CCSER1: variants seen among roughly 807,000 people sequenced by gnomAD.
CCSER1 encodes serine-rich coiled-coil domain-containing protein 1.
In CCSER1, 41 loss-of-function variants were observed where a neutral mutation model predicts 82.0. That is an observed-to-expected ratio of 0.50 (90% CI 0.39 to 0.65). The LOEUF (loss-of-function observed/expected upper bound fraction) is 0.65, where lower values mean the gene tolerates loss of function less well. CCSER1 is among the 30% of genes least tolerant of loss of function. The probability of loss-of-function intolerance (pLI) is 0.00; values close to 1 mark genes in which losing one functional copy is unlikely to be tolerated. For synonymous variants in CCSER1, 414 were observed against 383.9 expected (o/e 1.08, Z -0.92); for missense variants, 1,119 against 1,064.2 (o/e 1.05, Z -0.72).
chr4:90,597,792 C>T (rs550715610), intron 5 of CCSER1, among the ~76,000 whole-genome samples: 38 of 152,152 alleles, frequency 2.5e-4, no homozygotes, highest in Admixed American at 2.5e-3. Flanking sequence ...TAAATCTCCT[C>T]ATTTTCTCCC....
At chr4:90,808,429 G>T (rs1331362138) in intron 7 of CCSER1, among the ~76,000 whole-genome samples, 7 of 151,842 alleles carry the variant, frequency 4.6e-5, no homozygotes, top group African/African-American at 7.3e-5. Flanking sequence ...TACAACAAAA[G>T]AAATAATCAA....
intron 9 of CCSER1, among the ~76,000 whole-genome samples, chr4:91,036,503 A>G (rs1378063823): frequency 6.6e-6 from 1 of 152,110 alleles, no homozygotes; most frequent in African/African-American, 2.4e-5. Flanking sequence ...AATATTGTAC[A>G]TTTTGGTAAA....
Position 91,603,434 on chromosome 4 carries a change from T to C in CCSER1, c.*4377T>C. On this transcript the variant is annotated 3_prime_UTR_variant, in exon 11 of 11. Coordinates refer to ENST00000509176, the MANE Select transcript of CCSER1 (RefSeq NM_001145065.2). ...TAACACTCTGTGGTTGAATTACCTA[T>C]GGAAAAGAATGAAGGCAGTTCACTC... 6.6e-6 allele frequency: 1 copy of C among 152,114 alleles called. No individual in the cohort carries two copies. The highest frequency in any genetic ancestry group is 1.5e-5 in the Non-Finnish European group (1 of 67,988). The allele number at this position is 152,114 out of a possible 1,614,324, so 9.4% of individuals were successfully genotyped here.
chr4:90,308,633 G>A lies in CCSER1; in HGVS notation c.349G>A (p.Val117Ile). 1 of 1,613,788 alleles carries A rather than the reference G, an allele frequency of 6.2e-7. No individual in the cohort carries two copies. The highest frequency in any genetic ancestry group is 8.5e-7 in the Non-Finnish European group (1 of 1,179,864). The part of the protein sequence containing the change: ...EHIKTRGRHS[V>I]GFSSSRNKKI... The stretch of plus-strand genomic sequence containing the variant: ...TATTAAGACCAGGGGAAGACATTCT[G>A]TTGGTTTTAGTAGTTCACGAAATAA... The change falls in exon 2 of 11, where the codon GTT (valine) becomes ATT (isoleucine). Residue 117 changes from valine to isoleucine, a missense_variant. Val to Ile is a conservative substitution (Grantham distance 29). Coordinates refer to ENST00000509176, the MANE Select transcript of CCSER1 (RefSeq NM_001145065.2).
chr4:91,055,806 T>C (rs1282016038), intron 9 of CCSER1, among the ~76,000 whole-genome samples: 10 of 141,898 alleles, frequency 7.0e-5, no homozygotes, highest in Non-Finnish European at 6.2e-5. Flanking sequence ...CTCCCTTTCT[T>C]TTTGGAACTC....
chr4:90,761,704 C>G (rs1482829832), intron 7 of CCSER1, among the ~76,000 whole-genome samples: 1 of 152,050 alleles, frequency 6.6e-6, no homozygotes, highest in Non-Finnish European at 1.5e-5. Flanking sequence ...GGAAAATAAT[C>G]TGACACAAAG....
intron 9 of CCSER1, among the ~76,000 whole-genome samples, chr4:91,048,343 C>T (rs1304511618): frequency 1.3e-5 from 2 of 149,970 alleles, no homozygotes; most frequent in African/African-American, 4.8e-5. Context: ...TTTTTTTCCT[C>T]TGACATTTAA....
chr4:90,837,666 A>G (rs1253127985), intron 8 of CCSER1, among the ~76,000 whole-genome samples: 1 of 152,202 alleles, frequency 6.6e-6, no homozygotes, highest in East Asian at 1.9e-4. Flanking sequence ...ATATTCTAAG[A>G]CATTGGAAGA....
Position 91,065,716 on chromosome 4 carries a change from T to C in CCSER1, c.2173-20234T>C, listed in dbSNP as rs1207305792. Among the ~76,000 whole-genome samples the C allele has an allele frequency of 2.0e-5, 3 of 152,248 alleles. No individual in the cohort carries two copies. In the East Asian group the frequency reaches 5.8e-4, roughly 29 times the overall value. ...AAATTCCTTGGGGATTAGTATTTCA[T>C]TTACTAATAAAAACTTTTCAACTTC... On this transcript the variant is annotated intron_variant, in intron 9 of 10. Transcript: ENST00000509176.
intron 10 of CCSER1, among the ~76,000 whole-genome samples, chr4:91,136,315 A>T (rs534404191): frequency 6.6e-6 from 1 of 152,144 alleles, no homozygotes; most frequent in South Asian, 2.1e-4. Flanking sequence ...TACCGTCTTT[A>T]TTGGGGTTGT....
At chr4:91,576,999 TTA>T (rs34299659) in intron 10 of CCSER1, among the ~76,000 whole-genome samples, 98,138 of 151,468 alleles carry the variant, frequency 0.65, 31,988 homozygotes, top group East Asian at 0.72. Context: ...TTGTTTTCAA[TTA>T]TATACTACAG....
chr4:90,879,576 AGAAGAAGAGGAGGAGGAGGAGGAG>A (rs1720944210), intron 8 of CCSER1, among the ~76,000 whole-genome samples: 1 of 71,690 alleles, frequency 1.4e-5, no homozygotes, highest in Non-Finnish European at 2.9e-5. Flanking sequence ...AAGAGGAAGA[AGAAGAAGAGGAGGAGGAGGAGGAG>A]GAAGAAGAGG....
At chr4:90,890,908 TA>T (rs1722863868) in intron 8 of CCSER1, among the ~76,000 whole-genome samples, 2 of 152,202 alleles carry the variant, frequency 1.3e-5, no homozygotes, top group Middle Eastern at 3.4e-3. Context: ...GAAAAAATTG[TA>T]AAAAACTACT....
intron 8 of CCSER1, among the ~76,000 whole-genome samples, chr4:90,898,396 G>C (rs1245410577): frequency 6.9e-6 from 1 of 144,330 alleles, no homozygotes; most frequent in Non-Finnish European, 1.5e-5. Context: ...TCCTGCCTCA[G>C]CCTCCTGAGT....
intron 1 of CCSER1, among the ~76,000 whole-genome samples, chr4:90,292,424 TA>T (rs1368073544): frequency 2.6e-5 from 4 of 151,950 alleles, no homozygotes; most frequent in Non-Finnish European, 4.4e-5. Flanking sequence ...CTAATCTTAA[TA>T]ATAGAGAAAC....
At chr4:90,955,603 A>G (rs894483917) in intron 9 of CCSER1, among the ~76,000 whole-genome samples, 12 of 152,158 alleles carry the variant, frequency 7.9e-5, no homozygotes, top group Non-Finnish European at 1.8e-4. Flanking sequence ...TTCCATTCCA[A>G]GCATTTAATC....
chr4:90,240,269 G>A (rs962536166), intron 1 of CCSER1, among the ~76,000 whole-genome samples: 1 of 152,144 alleles, frequency 6.6e-6, no homozygotes, highest in African/African-American at 2.4e-5. Context: ...GACTCAGGAG[G>A]ACTGCCAGAG....
At chr4:90,682,238 C>T (rs1446973035) in intron 6 of CCSER1, among the ~76,000 whole-genome samples, 4 of 150,768 alleles carry the variant, frequency 2.7e-5, no homozygotes, top group African/African-American at 9.7e-5. Context: ...TATATTGATT[C>T]ATCATGAATT....
intron 10 of CCSER1, among the ~76,000 whole-genome samples, chr4:91,189,255 T>G (rs1372144934): frequency 6.6e-6 from 1 of 152,166 alleles, no homozygotes; most frequent in Non-Finnish European, 1.5e-5. Context: ...TGTTTATAAC[T>G]GTTACCTTTT....
Sources: allele counts gnomAD v4.1 joint callset (sites outside exome capture counted in the v4.1 genomes callset), GRCh38; gene constraint gnomAD v4.1.1; transcripts MANE v1.5; gene names NCBI Gene and HGNC (gene_info 2026-07-23, HGNC 2026-07-21).